The following STAU2 variants were observed in gnomAD, a reference collection of about 807,000 sequenced individuals.
STAU2 encodes staufen double-stranded RNA binding protein 2.
In STAU2, 20 loss-of-function variants were observed where a neutral mutation model predicts 65.9. The observed-to-expected ratio is 0.30, with a 90% CI of 0.21 to 0.44. The LOEUF (loss-of-function observed/expected upper bound fraction) is 0.44. Among genes scored for constraint, STAU2 ranks in the 20% least tolerant of loss-of-function variants. The pLI is 1.00. For synonymous variants in STAU2, 232 were observed against 233.9 expected, an observed-to-expected ratio of 0.99 and a Z score of 0.07; for missense variants, 558 against 683.9, an observed-to-expected ratio of 0.82 and a Z score of 2.05.
At chr8:73,575,294 C>G (rs1809453466) in intron 12 of STAU2, among the ~76,000 whole-genome samples, 1 of 152,116 alleles carries the variant, frequency 6.6e-6, no homozygotes, top group Non-Finnish European at 1.5e-5. Context: ...ATACTGAATA[C>G]CATATTTCAA....
chr8:73,535,548 C>T (rs1472905234), intron 13 of STAU2, among the ~76,000 whole-genome samples: 1 of 152,088 alleles, frequency 6.6e-6, no homozygotes, highest in Non-Finnish European at 1.5e-5. Context: ...ATTACACTTA[C>T]ACACACACAA....
intron 12 of STAU2, among the ~76,000 whole-genome samples, chr8:73,573,334 A>AATT (rs1809255295): frequency 6.6e-6 from 1 of 152,242 alleles, no homozygotes; most frequent in South Asian, 2.1e-4. Flanking sequence ...TGCCCAAGGT[A>AATT]ATTTATAGAT....
chr8:73,461,645 GAGCACA>G (rs775431104), intron 13 of STAU2, among the ~76,000 whole-genome samples: 5 of 152,042 alleles, frequency 3.3e-5, no homozygotes, highest in Non-Finnish European at 5.9e-5. Context: ...GGCCAACAGA[GAGCACA>G]AGCACAAGCA....
rs367859257 is a variant in STAU2, at chr8:73,688,627, A to G, written c.274+27T>C. 3.8e-5 allele frequency: 61 copies of G among 1,613,512 alleles called. No homozygotes were observed. In the Middle Eastern group the frequency reaches 4.9e-4, roughly 13 times the overall value. ...ACAAGCAGAACACACATAGCAGACA[A>G]CATAACAGAAGGAGTCACTGCCATA... On this transcript the variant is annotated intron_variant, in intron 5 of 14. Transcript: ENST00000524300.
chr8:73,733,090 G>A (rs183317406), intron 3 of STAU2, among the ~76,000 whole-genome samples: 14 of 148,542 alleles, frequency 9.4e-5, no homozygotes, highest in Admixed American at 1.4e-4. Flanking sequence ...ACACGGTTCT[G>A]CTACTCCTTC....
intron 12 of STAU2, among the ~76,000 whole-genome samples, chr8:73,571,375 T>C (rs1164080496): frequency 1.3e-5 from 2 of 152,116 alleles, no homozygotes; most frequent in Non-Finnish European, 2.9e-5. Flanking sequence ...AGGAATTGAA[T>C]TCAGCTCTGC....
chr8:73,648,784 T>C (rs991240132), intron 6 of STAU2, among the ~76,000 whole-genome samples: 2 of 152,168 alleles, frequency 1.3e-5, no homozygotes, highest in African/African-American at 2.4e-5. Context: ...TTCAGTTGTG[T>C]CTTGTTTTTC....
At chr8:73,553,947 C>A (rs1807532241) in intron 12 of STAU2, among the ~76,000 whole-genome samples, 1 of 151,864 alleles carries the variant, frequency 6.6e-6, no homozygotes, top group Admixed American at 6.6e-5. Context: ...TTATCTCATT[C>A]CTTTATTTAG....
intron 12 of STAU2, among the ~76,000 whole-genome samples, chr8:73,570,631 C>T (rs1809003397): frequency 6.6e-6 from 1 of 151,992 alleles, no homozygotes; most frequent in South Asian, 2.1e-4. Context: ...GAAGAGCAAC[C>T]CCAAGACACG....
At chr8:73,600,003 C>T (rs539747313) in intron 10 of STAU2, among the ~76,000 whole-genome samples, 2 of 152,116 alleles carry the variant, frequency 1.3e-5, no homozygotes, top group African/African-American at 4.8e-5. Context: ...CTCCTGACCT[C>T]GTGATCCACC....
chr8:73,529,597 T>C (rs1460387202), intron 13 of STAU2, among the ~76,000 whole-genome samples: 1 of 152,192 alleles, frequency 6.6e-6, no homozygotes, highest in Non-Finnish European at 1.5e-5. Flanking sequence ...AAAAATAAAC[T>C]TTAAACTTCG....
chr8:73,453,309 A>C (rs1176573430), intron 13 of STAU2, among the ~76,000 whole-genome samples: 1 of 151,970 alleles, frequency 6.6e-6, no homozygotes, highest in Admixed American at 6.6e-5. Flanking sequence ...AGCAAAATTC[A>C]CTTGTAGTAG....
At chr8:73,506,817 C>T (rs1297198245) in intron 13 of STAU2, among the ~76,000 whole-genome samples, 2 of 152,194 alleles carry the variant, frequency 1.3e-5, no homozygotes, top group African/African-American at 2.4e-5. Context: ...AACCCTGCTG[C>T]TGTTTTATAA....
In STAU2 at chr8:73,521,599, C is replaced by G. The variant is rs979811091; in HGVS notation, c.1530+30413G>C. 6.6e-5 allele frequency among the ~76,000 whole-genome samples: 10 copies of G among 152,236 alleles called. 1 individual carries two copies. In the East Asian group the frequency reaches 1.7e-3, roughly 26 times the overall value. On this transcript the variant is annotated intron_variant, in intron 13 of 14. Coordinates refer to ENST00000524300, the MANE Select transcript of STAU2 (RefSeq NM_001164380.2). ...ATTTTTTGACTTTAAAATGGTGATA[C>G]ACATTCAGAAGGAACTGCATTTCCA...
intron 12 of STAU2, among the ~76,000 whole-genome samples, chr8:73,576,414 A>G (rs1183361844): frequency 6.6e-6 from 1 of 152,194 alleles, no homozygotes; most frequent in Non-Finnish European, 1.5e-5. Flanking sequence ...AGTTTAAAAA[A>G]AAAAGCAAAA....
rs139202841 is a variant in STAU2, at chr8:73,430,321, C to T, written c.1531-7619G>A. Among the ~76,000 whole-genome samples the T allele has an allele frequency of 2.1e-3, 320 of 152,288 alleles. 1 individual carries two copies. Among genetic ancestry groups the T allele is most frequent in the African/African-American group, 6.6e-3 (273 of 41,550 alleles). The stretch of plus-strand genomic sequence containing the variant: ...GATGTACAGATAGCAACAAGCTCAA[C>T]ATGTTCAGGAAAACAGAGTGGGCAG... On this transcript the variant is annotated intron_variant, in intron 13 of 14. Coordinates refer to ENST00000524300, the MANE Select transcript of STAU2 (RefSeq NM_001164380.2).
intron 6 of STAU2, among the ~76,000 whole-genome samples, chr8:73,618,572 G>A (rs1198168144): frequency 6.6e-6 from 1 of 152,214 alleles, no homozygotes; most frequent in African/African-American, 2.4e-5. Context: ...ATTGCTGTAG[G>A]CATTTTTAAC....
At chr8:73,500,166 T>C (rs1489194269) in intron 13 of STAU2, among the ~76,000 whole-genome samples, 1 of 151,932 alleles carries the variant, frequency 6.6e-6, no homozygotes. Context: ...CAATGGAGCA[T>C]TGGTTCCAGG....
At chr8:73,445,246 G>A (rs1329257375) in intron 13 of STAU2, among the ~76,000 whole-genome samples, 2 of 152,166 alleles carry the variant, frequency 1.3e-5, no homozygotes, top group African/African-American at 4.8e-5. Flanking sequence ...CAGAGAGGAA[G>A]GGGTTTCTGC....
Sources: allele counts gnomAD v4.1 joint callset (sites outside exome capture counted in the v4.1 genomes callset), GRCh38; gene constraint gnomAD v4.1.1; transcripts MANE v1.5; gene names NCBI Gene and HGNC (gene_info 2026-07-23, HGNC 2026-07-21).